The following RNLS variants were observed in gnomAD, a reference collection of about 807,000 sequenced individuals.
RNLS encodes the protein renalase, FAD dependent amine oxidase.
RNLS carries 39 observed loss-of-function variants against 39.8 expected under a neutral mutation model. The ratio of observed to expected loss-of-function variants is 0.98; its 90% CI spans 0.76 to 1.28. The LOEUF (loss-of-function observed/expected upper bound fraction) is 1.28. Among genes scored for constraint, RNLS ranks in the 50% most tolerant of loss-of-function variants. The pLI is 0.00. For missense variants in RNLS, 410 were observed against 413.3 expected, an observed-to-expected ratio of 0.99 and a Z score of 0.07; for synonymous variants, 147 against 150.7, an observed-to-expected ratio of 0.98 and a Z score of 0.18.
At chr10:88,463,995 T>C (rs2133949100) in intron 4 of RNLS, among the ~76,000 whole-genome samples, 1 of 152,090 alleles carries the variant, frequency 6.6e-6, no homozygotes, top group African/African-American at 2.4e-5. Flanking sequence ...CTTGAGTATG[T>C]AGAACAATGA....
intron 4 of RNLS, among the ~76,000 whole-genome samples, chr10:88,435,743 G>C (rs1354911509): frequency 2.6e-5 from 4 of 152,088 alleles, no homozygotes; most frequent in Non-Finnish European, 5.9e-5. Context: ...ACCCCTCATA[G>C]TTCTGCTGAG....
intron 5 of RNLS, among the ~76,000 whole-genome samples, chr10:88,351,989 A>G (rs1848753568): frequency 6.6e-6 from 1 of 152,094 alleles, no homozygotes; most frequent in Non-Finnish European, 1.5e-5. Flanking sequence ...TTCACTCATG[A>G]TTTGGCTCTC....
intron 4 of RNLS, among the ~76,000 whole-genome samples, chr10:88,441,778 C>T (rs1470193994): frequency 6.6e-6 from 1 of 152,176 alleles, no homozygotes; most frequent in Non-Finnish European, 1.5e-5. Context: ...GATGCAATGG[C>T]TGCTCTCAAA....
chr10:88,332,170 T>C (rs1363960279), intron 5 of RNLS, among the ~76,000 whole-genome samples: 6 of 152,268 alleles, frequency 3.9e-5, no homozygotes, highest in African/African-American at 1.2e-4. Context: ...CTAGTTCTTA[T>C]ATATAGGTTA....
At chr10:88,406,844 T>C (rs908204059) in intron 4 of RNLS, among the ~76,000 whole-genome samples, 4 of 152,006 alleles carry the variant, frequency 2.6e-5, no homozygotes, top group African/African-American at 9.7e-5. Context: ...GAAACTGTGG[T>C]ATATGATGAA....
chr10:88,565,247 A>C (rs1849424563), intron 4 of RNLS, among the ~76,000 whole-genome samples: 1 of 152,108 alleles, frequency 6.6e-6, no homozygotes, highest in South Asian at 2.1e-4. Flanking sequence ...TTAGATTCTA[A>C]GGGGAACTAC....
At chr10:88,402,862 T>C (rs1371888393) in intron 4 of RNLS, among the ~76,000 whole-genome samples, 4 of 152,012 alleles carry the variant, frequency 2.6e-5, no homozygotes, top group African/African-American at 7.2e-5. Context: ...GGAATGTTCT[T>C]TAGAAACATT....
chr10:88,442,367 G>A (rs767757454), intron 4 of RNLS, among the ~76,000 whole-genome samples: 3 of 152,028 alleles, frequency 2.0e-5, no homozygotes, highest in Non-Finnish European at 4.4e-5. Flanking sequence ...CACATGATTG[G>A]TCATTCAGCT....
intron 6 of RNLS, among the ~76,000 whole-genome samples, chr10:88,293,342 G>T (rs1261517537): frequency 6.6e-6 from 1 of 152,118 alleles, no homozygotes; most frequent in African/African-American, 2.4e-5. Context: ...TGCTGCCATT[G>T]TAAACATAAG....
exon 7 of RNLS, chr10:88,274,596 A>G (rs578104200): frequency 1.3e-3 from 283 of 218,010 alleles, no homozygotes; most frequent in Non-Finnish European, 2.0e-3. Context: ...TCATCTATCC[A>G]TGGACACTGG....
intron 4 of RNLS, among the ~76,000 whole-genome samples, chr10:88,457,205 A>T (rs1172750600): frequency 6.6e-6 from 1 of 151,820 alleles, no homozygotes; most frequent in African/African-American, 2.4e-5. Flanking sequence ...TACCCCATTT[A>T]CTCTGTTGTT....
intron 3 of RNLS, among the ~76,000 whole-genome samples, chr10:88,580,761 T>C (rs1850489784): frequency 6.6e-6 from 1 of 152,146 alleles, no homozygotes; most frequent in South Asian, 2.1e-4. Flanking sequence ...TCATTTGTAA[T>C]TAAAGAAATG....
Position 88,352,129 on chromosome 10 carries a change from G to A in RNLS, c.700+10423C>T, listed in dbSNP as rs1389583044. Among the ~76,000 whole-genome samples, 3 of 152,260 alleles carry A rather than the reference G, an allele frequency of 2.0e-5. No homozygotes were observed. In the East Asian group the frequency reaches 5.8e-4, roughly 29 times the overall value. On this transcript the variant is annotated intron_variant, in intron 5 of 6. Transcript: ENST00000331772. ...GATGATGGGGTTTTCTAGATATACA[G>A]TCATGTCATCTGCAAACAGGGACAA...
intron 4 of RNLS, among the ~76,000 whole-genome samples, chr10:88,378,285 C>G (rs796970078): frequency 6.6e-6 from 1 of 151,948 alleles, no homozygotes; most frequent in Non-Finnish European, 1.5e-5. Flanking sequence ...AAAACAGTAC[C>G]TCAAAAGGAA....
chr10:88,340,130 T>C (rs957182124), intron 5 of RNLS, among the ~76,000 whole-genome samples: 3 of 152,220 alleles, frequency 2.0e-5, no homozygotes, highest in African/African-American at 7.2e-5. Flanking sequence ...GGAAGCAATA[T>C]CTTGAAGGTT....
chr10:88,504,507 T>C (rs1359615084), intron 4 of RNLS, among the ~76,000 whole-genome samples: 1 of 152,106 alleles, frequency 6.6e-6, no homozygotes, highest in African/African-American at 2.4e-5. Context: ...GAATGGAAAC[T>C]TTTCCATTTT....
the RNLS span, among the ~76,000 whole-genome samples, chr10:88,230,028 G>A: frequency 1.3e-5 from 2 of 152,106 alleles, no homozygotes; most frequent in African/African-American, 4.8e-5. Flanking sequence ...CCACCTGGAT[G>A]ATGTGGACAA....
intron 4 of RNLS, among the ~76,000 whole-genome samples, chr10:88,536,419 C>T (rs767926431): frequency 6.6e-6 from 1 of 152,210 alleles, no homozygotes; most frequent in African/African-American, 2.4e-5. Flanking sequence ...CCTTCCCCCA[C>T]CACCAATCTA....
intron 4 of RNLS, among the ~76,000 whole-genome samples, chr10:88,502,186 A>G (rs1372131908): frequency 1.3e-5 from 2 of 152,032 alleles, no homozygotes; most frequent in Non-Finnish European, 2.9e-5. Context: ...CAAATATTCT[A>G]AATTATAATG....
Sources: allele counts gnomAD v4.1 joint callset (sites outside exome capture counted in the v4.1 genomes callset), GRCh38; gene constraint gnomAD v4.1.1; transcripts MANE v1.5; gene names NCBI Gene and HGNC (gene_info 2026-07-23, HGNC 2026-07-21).